ABCA7: variants seen among roughly 807,000 people sequenced by gnomAD.
The protein encoded by ABCA7 is phospholipid-transporting ATPase ABCA7.
Under a neutral mutation model 227.6 loss-of-function variants are expected in ABCA7, and 261 were observed. The observed-to-expected ratio is 1.15, with a 90% confidence interval of 1.04 to 1.27. ABCA7 has a LOEUF of 1.27. ABCA7 is among the 50% of genes most tolerant of loss of function. The pLI is 0.00. For synonymous variants in ABCA7, 1,488 were observed against 1,279.7 expected, an observed-to-expected ratio of 1.16 and a Z score of -3.47; for missense variants, 3,331 against 2,924.5, an observed-to-expected ratio of 1.14 and a Z score of -3.21.
At position 1,055,341 on chromosome 19, in the gene ABCA7, G is replaced by T. The variant is rs1429212010; in HGVS notation, c.4195G>T (p.Val1399Leu). The change falls in exon 30 of 47, where the codon GTG (valine) becomes TTG (leucine). Residue 1399 changes from valine to leucine, a missense_variant. Val to Leu is a conservative substitution (Grantham distance 32). Transcript: ENST00000263094. ...CCTGGTCAAGACCTACCCGCGCCTG[G>T]TGCGCCAGGGGTGAGCCATGCCCTG... is the stretch of plus-strand genomic sequence containing the variant. ...DFLVKTYPRL[V>L]RQGLKTKKWV... 6 of 1,586,346 alleles carry T rather than the reference G, an allele frequency of 3.8e-6. No homozygotes were observed. Among genetic ancestry groups the T allele is most frequent in the Admixed American group, 3.4e-5 (2 of 59,066 alleles).
chr19:1,058,350 A>G (rs1599703534), intron 37 of ABCA7, 81 bp downstream of exon 37: 3 of 1,555,128 alleles, frequency 1.9e-6, no homozygotes, highest in African/African-American at 1.4e-5. Context: ...TACAGAGTGG[A>G]GAAAAACAGC....
intron 37 of ABCA7, 80 bp downstream of exon 37, chr19:1,058,349 G>T: frequency 6.4e-7 from 1 of 1,554,018 alleles, no homozygotes. Context: ...ATACAGAGTG[G>T]AGAAAAACAG....
chr19:1,054,524 G>A lies in ABCA7; in HGVS notation c.3727-46G>A. ...CAGGAGCAGGGACAGGTGCAAGCAAGCCTGGAGGGTGGATGGAAGCAGCAG... is the reference window on the plus strand; with the variant it reads ...CAGGAGCAGGGACAGGTGCAAGCAAACCTGGAGGGTGGATGGAAGCAGCAG... On this transcript the variant is annotated intron_variant, in intron 27 of 46. Transcript: ENST00000263094. The surrounding 1 kb of genome is among the most constrained non-coding windows in gnomAD (Gnocchi z 4.8). 1 of 1,594,100 alleles carries A rather than the reference G, an allele frequency of 6.3e-7. No individual in the cohort carries two copies. The highest frequency in any genetic ancestry group is 8.6e-7 in the Non-Finnish European group (1 of 1,168,574).
At chr19:1,060,761 C>T (rs1035056381) in intron 40 of ABCA7, among the ~76,000 whole-genome samples, 3 of 152,072 alleles carry the variant, frequency 2.0e-5, no homozygotes, top group Admixed American at 2.0e-4. Context: ...CTCAGGTGAT[C>T]TGCCCACCTC....
At chr19:1,062,001 T>TGGTCTCTGAGACCCCTGCAC in intron 41 of ABCA7, 113 bp downstream of exon 41, 1 of 1,417,420 alleles carries the variant, frequency 7.1e-7, no homozygotes, top group Non-Finnish European at 9.5e-7. Context: ...CACACCTGCA[T>TGGTCTCTGAGACCCCTGCAC]GGTCTCTGAG....
At position 1,061,390 on chromosome 19, in the gene ABCA7, C is replaced by CAAAAA. The variant is rs978850571; in HGVS notation, c.5464-374_5464-370dup. ...GGGGTGACACAGCAAGGCTCCGTCT[C>CAAAAA]AAAAAAAAAAAAAAAAAAAAAAGAG... is the stretch of plus-strand genomic sequence containing the variant. On this transcript the variant is annotated intron_variant, in intron 40 of 46. Transcript: ENST00000263094. Among the ~76,000 whole-genome samples, 68 of 36,898 alleles carry CAAAAA rather than the reference C, an allele frequency of 1.8e-3. 4 individuals are homozygous for CAAAAA. The highest frequency in any genetic ancestry group is 8.9e-3 in the African/African-American group (63 of 7,066). The allele number at this position is 36,898 out of a possible 152,430, so 24.2% of individuals were successfully genotyped here.
At chr19:1,057,697 G>A (rs1310398256) in intron 35 of ABCA7, among the ~76,000 whole-genome samples, 1 of 151,458 alleles carries the variant, frequency 6.6e-6, no homozygotes. Flanking sequence ...TTGTGGCCAG[G>A]AGTTTGAGAC....
chr19:1,057,503 G>C, intron 35 of ABCA7, 74 bp downstream of exon 35: 1 of 1,369,264 alleles, frequency 7.3e-7, no homozygotes, highest in South Asian at 1.2e-5. Context: ...TGCTGAGATA[G>C]AACTCTGCAG....
chr19:1,048,052 G>A (rs78410552), intron 16 of ABCA7, among the ~76,000 whole-genome samples: 2 of 151,924 alleles, frequency 1.3e-5, no homozygotes, highest in Non-Finnish European at 2.9e-5. Flanking sequence ...GTGGTGGCAC[G>A]CTGGGCGTGG....
rs567186298 is a variant in ABCA7, at chr19:1,054,037, C to T, written c.3504C>T (p.Gly1168=). The T allele has an allele frequency of 1.9e-6, 3 of 1,613,336 alleles. No homozygotes were observed. Among genetic ancestry groups the T allele is most frequent in the Admixed American group, 1.7e-5 (1 of 60,014 alleles). The change falls in exon 26 of 47, where the codon GGC becomes GGT. Residue 1168 remains glycine, a synonymous_variant. Transcript: ENST00000263094. This position sits in a 1 kb window ranked among gnomAD's most constrained non-coding sequence, Gnocchi z 4.8. ...DGSCGQHLCT[G]IAGLDVTLRL... ...GCTGCGGGCAGCACCTATGCACAGGCATTGCTGGCCTAGACGTAACCCTAC... is the reference window on the plus strand; with the variant it reads ...GCTGCGGGCAGCACCTATGCACAGGTATTGCTGGCCTAGACGTAACCCTAC...
In ABCA7 at chr19:1,047,524, C is replaced by T. The variant is rs769911070; in HGVS notation, c.2139C>T (p.Gly713=). 9.4e-6 allele frequency: 15 copies of T among 1,592,760 alleles called. No individual in the cohort carries two copies. Among genetic ancestry groups the T allele is most frequent in the South Asian group, 3.4e-5 (3 of 89,546 alleles). ...SLALLEEQGE[G]AQWHNVGTRP... Reference sequence around the variant, plus strand: ...CTCTGCTGGAGGAGCAGGGCGAGGGCGCGCAGTGGCACAACGTGGGCACCC... The same window carrying T: ...CTCTGCTGGAGGAGCAGGGCGAGGGTGCGCAGTGGCACAACGTGGGCACCC... Residue 713 remains glycine (G), a synonymous_variant, in exon 16 of 47, where the codon GGC becomes GGT. Coordinates refer to ENST00000263094, the MANE Select transcript of ABCA7 (RefSeq NM_019112.4).
intron 24 of ABCA7, 36 bp from the exon 25 acceptor site, chr19:1,053,752 G>C (rs773428931): frequency 8.8e-6 from 14 of 1,597,462 alleles, no homozygotes; most frequent in Non-Finnish European, 1.1e-5. Context: ...TCTCCCTGTC[G>C]GTGTCCAGTC....
Position 1,048,898 on chromosome 19 carries a change from A to T in ABCA7, c.2273A>T (p.Gln758Leu), listed in dbSNP as rs765485280. The T allele has an allele frequency of 3.1e-6, 5 of 1,591,488 alleles. No homozygotes were observed. Residue 758 changes from glutamine (Q) to leucine (L), a missense_variant, in exon 17 of 47, where the codon CAG (glutamine) becomes CTG (leucine). Coordinates refer to ENST00000263094, the MANE Select transcript of ABCA7 (RefSeq NM_019112.4). ...TWYLEAVCPG[Q>L]YGIPEPWNFP... ...TAACCCGCGCCCCTCCCCGCAGGCC[A>T]GTACGGGATCCCTGAACCATGGAAT...
intron 41 of ABCA7, 65 bp from the exon 42 acceptor site, chr19:1,062,107 G>T: frequency 6.3e-7 from 1 of 1,584,016 alleles, no homozygotes; most frequent in South Asian, 1.1e-5. Flanking sequence ...TGAGACCCCT[G>T]TGTTAGCCAC....
intron 40 of ABCA7, among the ~76,000 whole-genome samples, chr19:1,059,690 G>C (rs2042529566): frequency 6.7e-6 from 1 of 150,326 alleles, no homozygotes; most frequent in Non-Finnish European, 1.5e-5. Context: ...CAGCCTCCCA[G>C]GTAGCTGGGA....
In ABCA7 at chr19:1,041,219, A is replaced by C; in HGVS notation, c.-137-6A>C. On this transcript the variant is annotated splice_region_variant and splice_polypyrimidine_tract_variant and intron_variant, in intron 1 of 46. Transcript: ENST00000263094. ...GAGTGACTACTGTTTGCCTCGCTCT[A>C]ATCAGAGCTTCCAGGAACCCTGCGC... The C allele has an allele frequency of 2.3e-6, 2 of 862,280 alleles. No individual in the cohort carries two copies. Among genetic ancestry groups the C allele is most frequent in the Non-Finnish European group, 1.9e-6 (1 of 518,356 alleles). The allele number at this position is 862,280 out of a possible 1,614,324, so 53.4% of individuals were successfully genotyped here.
intron 17 of ABCA7, 32 bp from the exon 18 acceptor site, chr19:1,049,234 C>T: frequency 6.4e-7 from 1 of 1,566,338 alleles, no homozygotes; most frequent in Non-Finnish European, 8.7e-7. Flanking sequence ...ACCCCCATGA[C>T]CTCCATGGCT....
chr19:1,054,046 C>T lies in ABCA7; in HGVS notation c.3513C>T (p.Gly1171=), dbSNP rs1463864825. 1.2e-6 allele frequency: 2 copies of T among 1,613,216 alleles called. No homozygotes were observed. Among genetic ancestry groups the T allele is most frequent in the South Asian group, 2.2e-5 (2 of 91,088 alleles). ...CGQHLCTGIA[G]LDVTLRLKMP... ...AGCACCTATGCACAGGCATTGCTGGCCTAGACGTAACCCTACGGCTCAAGA... is the reference window on the plus strand; with the variant it reads ...AGCACCTATGCACAGGCATTGCTGGTCTAGACGTAACCCTACGGCTCAAGA... Residue 1171 remains glycine, a synonymous_variant, in exon 26 of 47, where the codon GGC becomes GGT. Coordinates refer to ENST00000263094, the MANE Select transcript of ABCA7 (RefSeq NM_019112.4). The surrounding 1 kb of genome is among the most constrained non-coding windows in gnomAD (Gnocchi z 4.8).
chr19:1,064,732 T>G (rs1284663818), intron 45 of ABCA7, 199 bp from the exon 46 acceptor site: 3 of 903,426 alleles, frequency 3.3e-6, no homozygotes, highest in Non-Finnish European at 4.7e-6. Flanking sequence ...AATTTAAAAA[T>G]TAGCTGGACA....
Sources: allele counts gnomAD v4.1 joint callset (sites outside exome capture counted in the v4.1 genomes callset), GRCh38; gene constraint gnomAD v4.1.1; non-coding constraint Gnocchi (gnomAD v3.1); transcripts MANE v1.5; gene names NCBI Gene and HGNC (gene_info 2026-07-23, HGNC 2026-07-21).